WAPL: variants seen among roughly 807,000 people sequenced by gnomAD.
The protein encoded by WAPL is WAPL cohesin release factor, also known as wings apart-like protein homolog.
A neutral mutation model predicts 121.0 loss-of-function variants in WAPL; 5 were observed. The observed-to-expected ratio is 0.04, with a 90% CI of 0.02 to 0.09. The LOEUF (loss-of-function observed/expected upper bound fraction) is 0.09, where lower values mean the gene tolerates loss of function less well. WAPL is among the 10% of genes least tolerant of loss of function. The pLI, the probability that WAPL is intolerant of heterozygous loss-of-function variation, is 1.00. For synonymous variants in WAPL, 480 were observed against 481.5 expected, an observed-to-expected ratio of 1.00 and a Z score of 0.04; for missense variants, 999 against 1,410.8, an observed-to-expected ratio of 0.71 and a Z score of 4.68.
At chr10:86,502,046 A>G (rs1842256976) in intron 2 of WAPL, among the ~76,000 whole-genome samples, 1 of 152,232 alleles carries the variant, frequency 6.6e-6, no homozygotes, top group African/African-American at 2.4e-5. Flanking sequence ...ATCTTTTAAA[A>G]CTAAAAATGT....
intron 12 of WAPL, among the ~76,000 whole-genome samples, chr10:86,455,898 T>C (rs1442222970): frequency 6.6e-6 from 1 of 152,122 alleles, no homozygotes; most frequent in African/African-American, 2.4e-5. Context: ...AGAGGTGCTA[T>C]ACAAACAGAA....
At chr10:86,481,985 C>T (rs1841801920) in intron 4 of WAPL, among the ~76,000 whole-genome samples, 1 of 152,096 alleles carries the variant, frequency 6.6e-6, no homozygotes, top group Non-Finnish European at 1.5e-5. Context: ...ATGCACTGAC[C>T]AGTCAAGAGG....
chr10:86,499,721 C>T lies in WAPL; in HGVS notation c.1522G>A (p.Ala508Thr). The T allele has an allele frequency of 6.4e-7, 1 of 1,555,906 alleles. No individual in the cohort carries two copies. Residue 508 changes from alanine (A) to threonine (T), a missense_variant, in exon 3 of 19, where the codon GCA becomes ACA. By Grantham distance (58) the Ala-to-Thr change is moderately conservative. This residue lies in a region of WAPL where 531 missense variants were observed against 563.1 expected (regional missense o/e 0.94). Transcript: ENST00000298767. Reference sequence around the variant, plus strand: ...TACATATTTTTTAAATTCTTACCTGCATTGTTAGTACCAGACTGACTGTCC... The same window carrying T: ...TACATATTTTTTAAATTCTTACCTGTATTGTTAGTACCAGACTGACTGTCC... ...SQDSQSGTNN[A>T]ENLDFTEDLP...
At chr10:86,475,407 G>A (rs1841628658) in intron 4 of WAPL, among the ~76,000 whole-genome samples, 1 of 152,150 alleles carries the variant, frequency 6.6e-6, no homozygotes, top group Non-Finnish European at 1.5e-5. Context: ...CTTCAAGACC[G>A]TCAAAAAATC....
chr10:86,463,450 A>G (rs1196159589), intron 9 of WAPL, among the ~76,000 whole-genome samples: 2 of 152,180 alleles, frequency 1.3e-5, no homozygotes, highest in African/African-American at 4.8e-5. Flanking sequence ...GATAATCTTG[A>G]CCCTGTGTGG....
intron 2 of WAPL, among the ~76,000 whole-genome samples, chr10:86,502,127 C>T (rs768675474): frequency 4.6e-5 from 7 of 152,198 alleles, no homozygotes; most frequent in Admixed American, 1.3e-4. Flanking sequence ...TAACTTTCCA[C>T]GAACACAAAA....
intron 3 of WAPL, among the ~76,000 whole-genome samples, chr10:86,497,971 T>G (rs1201396530): frequency 6.6e-6 from 1 of 152,204 alleles, no homozygotes; most frequent in African/African-American, 2.4e-5. Context: ...GAAAGACTCT[T>G]CTCTATCCCA....
chr10:86,492,553 T>C (rs11492865), intron 4 of WAPL, among the ~76,000 whole-genome samples: 12,957 of 152,198 alleles, frequency 0.085, 634 homozygotes, highest in Middle Eastern at 0.17. Context: ...AGACTTCTGA[T>C]GTAAAGCATC....
At chr10:86,495,195 C>T (rs1842126523) in intron 4 of WAPL, among the ~76,000 whole-genome samples, 4 of 152,180 alleles carry the variant, frequency 2.6e-5, no homozygotes, top group African/African-American at 9.6e-5. Flanking sequence ...AAATTATTCT[C>T]AATACCCATG....
rs746488024 is a variant in WAPL at position 86,451,998 on chromosome 10, C to T, written c.3083G>A (p.Gly1028Glu). The T allele has an allele frequency of 2.5e-6, 4 of 1,614,024 alleles. No individual in the cohort carries two copies. In the Admixed American group the frequency reaches 6.7e-5, roughly 27 times the overall value. The change falls in exon 15 of 19, where the codon GGA (glycine) becomes GAA (glutamate). Residue 1028 changes from glycine to glutamate, a missense_variant. Physicochemically the swap from Gly to Glu is moderately conservative, Grantham distance 98. Transcript: ENST00000298767. ...GEGDDSLRIG[G>E]QVHAVQALVQ... is the part of the protein sequence containing the mutation. The stretch of plus-strand genomic sequence containing the variant: ...TAAAGCCTGGACAGCATGAACTTGT[C>T]CACCTATCCTTAAACTATCATCCCC...
At chr10:86,459,789 T>C (rs1841227989) in intron 11 of WAPL, among the ~76,000 whole-genome samples, 1 of 152,202 alleles carries the variant, frequency 6.6e-6, no homozygotes, top group Admixed American at 6.5e-5. Context: ...AACAATGTAG[T>C]CAAGTAGAAA....
chr10:86,486,728 G>A (rs1231205706), intron 4 of WAPL, among the ~76,000 whole-genome samples: 1 of 152,150 alleles, frequency 6.6e-6, no homozygotes, highest in African/African-American at 2.4e-5. Context: ...GGCCGAGACC[G>A]GCAGATGGCT....
At chr10:86,447,731 A>AT (rs1849659481) in intron 15 of WAPL, among the ~76,000 whole-genome samples, 1 of 152,236 alleles carries the variant, frequency 6.6e-6, no homozygotes, top group African/African-American at 2.4e-5. Context: ...AAACCAGGAA[A>AT]TTATGCCCAC....
intron 8 of WAPL, 92 bp from the exon 9 acceptor site, chr10:86,467,598 C>A: frequency 1.1e-6 from 1 of 919,806 alleles, no homozygotes; most frequent in Non-Finnish European, 1.6e-6. Context: ...CTTTTGTTTA[C>A]AAGTTAATGC....
chr10:86,456,070 C>G (rs1442713511), intron 12 of WAPL, among the ~76,000 whole-genome samples: 2 of 152,182 alleles, frequency 1.3e-5, no homozygotes, highest in Non-Finnish European at 2.9e-5. Flanking sequence ...AATGTAGAGT[C>G]TGATGGACAC....
In WAPL at chr10:86,500,212, C is replaced by T. The variant is rs1282308094; in HGVS notation, c.1031G>A (p.Cys344Tyr). Residue 344 changes from cysteine (C) to tyrosine (Y), a missense_variant, in exon 3 of 19, where the codon TGT (cysteine) becomes TAT (tyrosine). Around this residue, in one of 7 missense-constraint regions of WAPL, gnomAD observed 531 missense variants for 563.1 expected, o/e 0.94. Coordinates refer to ENST00000298767, the MANE Select transcript of WAPL (RefSeq NM_015045.5). ...LNQAKKGGVS[C>Y]GTSFRGTVGR... ...AACTGTCCCTCTAAAACTGGTCCCA[C>T]AACTTACACCCCCTTTCTTTGCCTG... 1.2e-6 allele frequency: 2 copies of T among 1,614,208 alleles called. No individual in the cohort carries two copies. The highest frequency in any genetic ancestry group is 1.1e-5 in the South Asian group (1 of 91,086).
At position 86,517,766 on chromosome 10, in the gene WAPL, C is replaced by G. The variant is rs1260759292; in HGVS notation, c.304G>C (p.Glu102Gln). The change falls in exon 2 of 19, where the codon GAA becomes CAA. Residue 102 changes from glutamate to glutamine, a missense_variant. This residue lies in a region of WAPL where 531 missense variants were observed against 563.1 expected (regional missense o/e 0.94). Coordinates refer to ENST00000298767, the MANE Select transcript of WAPL (RefSeq NM_015045.5). ...GTGACCTCTTCCAACTGAGCAGCTT[C>G]ACTAGATTCTGAATAAGAGGAACAC... is the stretch of plus-strand genomic sequence containing the variant. ...VKCSSYSESSEAAQLEEVTSV... is the reference protein window; with the variant it reads ...VKCSSYSESSQAAQLEEVTSV... The G allele has an allele frequency of 1.2e-6, 2 of 1,614,054 alleles. No homozygotes were observed. The highest frequency in any genetic ancestry group is 2.7e-5 in the African/African-American group (2 of 74,916).
chr10:86,515,125 TG>T (rs1842530220), intron 2 of WAPL, among the ~76,000 whole-genome samples: 1 of 151,854 alleles, frequency 6.6e-6, no homozygotes, highest in South Asian at 2.1e-4. Context: ...CAGGGCATGG[TG>T]GCAGGTGCCT....
intron 12 of WAPL, among the ~76,000 whole-genome samples, chr10:86,456,313 C>G (rs1002737774): frequency 7.3e-5 from 11 of 150,428 alleles, no homozygotes; most frequent in Non-Finnish European, 1.5e-4. Context: ...AGAAACTATT[C>G]TGTATATTGC....
Sources: gnomAD v4.1 joint callset for allele counts (sites outside exome capture counted in the v4.1 genomes callset) on GRCh38, gnomAD v4.1.1 for gene constraint, gnomAD v4.1.1 regional missense constraint, MANE v1.5 for transcripts, NCBI Gene and HGNC (gene_info 2026-07-23, HGNC 2026-07-21) for gene names.